GSDMC: variants seen among roughly 807,000 people sequenced by gnomAD.
The protein encoded by GSDMC is gasdermin-C.
GSDMC carries 59 observed loss-of-function variants against 58.0 expected under a neutral mutation model. That is an observed-to-expected ratio of 1.02 (90% CI 0.82 to 1.26). The LOEUF (loss-of-function observed/expected upper bound fraction) is 1.26. Among genes scored for constraint, GSDMC ranks in the 50% most tolerant of loss-of-function variants. GSDMC has a pLI of 0.00. For missense variants in GSDMC, 659 were observed against 598.5 expected (o/e 1.10, Z -1.06); for synonymous variants, 241 against 220.2 (o/e 1.09, Z -0.83).
intron 6 of GSDMC, among the ~76,000 whole-genome samples, chr8:129,755,793 C>T (rs1232166306): frequency 6.6e-6 from 1 of 151,576 alleles, no homozygotes; most frequent in Non-Finnish European, 1.5e-5. Context: ...ATGTTAAGTT[C>T]TCATCAGTTT....
chr8:129,729,975 C>G, the GSDMC span: 1 of 1,513,572 alleles, frequency 6.6e-7, no homozygotes, highest in Non-Finnish European at 9.2e-7. Flanking sequence ...ATGTAAATAC[C>G]ATGGACAGTG....
chr8:129,783,359 AC>A (rs535262656), intron 1 of GSDMC, among the ~76,000 whole-genome samples: 256 of 152,294 alleles, frequency 1.7e-3, no homozygotes, highest in Non-Finnish European at 2.8e-3. Context: ...GATTCCAACA[AC>A]AAAAAACTAT....
chr8:129,712,093 A>T, the GSDMC span, among the ~76,000 whole-genome samples: 1 of 152,224 alleles, frequency 6.6e-6, no homozygotes, highest in South Asian at 2.1e-4. Context: ...CCTATCTCAA[A>T]AAATAAACAT....
At chr8:129,747,466 T>C (rs2032991193), downstream of GSDMC, among the ~76,000 whole-genome samples, 1 of 152,156 alleles carries the variant, frequency 6.6e-6, no homozygotes, top group Non-Finnish European at 1.5e-5. Flanking sequence ...CAATAGGGAT[T>C]ACTGGAATAC....
intron 3 of GSDMC, among the ~76,000 whole-genome samples, chr8:129,773,981 A>G (rs1486787031): frequency 1.3e-5 from 2 of 152,152 alleles, no homozygotes; most frequent in Non-Finnish European, 2.9e-5. Context: ...AAAATGTCAT[A>G]CTACTCAAAG....
At chr8:129,752,667 G>C in intron 7 of GSDMC, 31 bp downstream of exon 7, 1 of 1,612,402 alleles carries the variant, frequency 6.2e-7, no homozygotes, top group Non-Finnish European at 8.5e-7. Context: ...CATCAACATA[G>C]AAGTAAAAAT....
At chr8:129,727,385 A>G in the GSDMC span, among the ~76,000 whole-genome samples, 1 of 152,238 alleles carries the variant, frequency 6.6e-6, no homozygotes, top group South Asian at 2.1e-4. Flanking sequence ...TGTGAAGGAC[A>G]TTCCAAATCC....
intron 1 of GSDMC, among the ~76,000 whole-genome samples, chr8:129,785,534 G>A (rs1979476): frequency 0.5 from 75,652 of 151,710 alleles, 22,452 homozygotes; most frequent in African/African-American, 0.82. Flanking sequence ...TGTACAGTTA[G>A]AAATAACTAA....
At chr8:129,750,380 C>T (rs1211078102) in intron 11 of GSDMC, 51 bp downstream of exon 11, 1 of 1,565,736 alleles carries the variant, frequency 6.4e-7, no homozygotes, top group African/African-American at 1.4e-5. Flanking sequence ...ATCTCCTAAC[C>T]AATCCCATTT....
At chr8:129,743,642 T>C (rs1450623724), downstream of GSDMC, among the ~76,000 whole-genome samples, 1 of 152,232 alleles carries the variant, frequency 6.6e-6, no homozygotes, top group Non-Finnish European at 1.5e-5. Context: ...TTGTGAATGT[T>C]GCATTATTGA....
At chr8:129,776,573 A>G (rs986154088) in intron 2 of GSDMC, among the ~76,000 whole-genome samples, 6 of 152,216 alleles carry the variant, frequency 3.9e-5, no homozygotes, top group Admixed American at 3.9e-4. Flanking sequence ...CCCTGGGATC[A>G]TCCTTTCAGG....
the GSDMC span, among the ~76,000 whole-genome samples, chr8:129,723,267 G>A: frequency 1.3e-5 from 2 of 151,948 alleles, no homozygotes; most frequent in Non-Finnish European, 2.9e-5. Flanking sequence ...TTGAGATGGA[G>A]TCTCTCTCTG....
At chr8:129,736,704 G>A in the GSDMC span, among the ~76,000 whole-genome samples, 1 of 152,182 alleles carries the variant, frequency 6.6e-6, no homozygotes, top group South Asian at 2.1e-4. Context: ...GCAAAAACTG[G>A]AAGCATTCCT....
rs750958886 is a variant in GSDMC at position 129,776,235 on chromosome 8, G to C, written c.271C>G (p.His91Asp). 1.6e-5 allele frequency: 26 copies of C among 1,613,578 alleles called. No homozygotes were observed. Among genetic ancestry groups the C allele is most frequent in the Admixed American group, 3.3e-5 (2 of 59,978 alleles). ...ACATTCACACCCATGTCAGCCTTAT[G>C]CTTCTGGATCATAATGTCACTGAAG... ...FHFSDIMIQK[H>D]KADMGVNVGI... Residue 91 changes from histidine (H) to aspartate (D), a missense_variant, in exon 3 of 14, where the codon CAT becomes GAT. Physicochemically the swap from His to Asp is moderately conservative, Grantham distance 81. Transcript: ENST00000276708.
the GSDMC span, among the ~76,000 whole-genome samples, chr8:129,738,919 A>G: frequency 6.6e-6 from 1 of 152,248 alleles, no homozygotes; most frequent in African/African-American, 2.4e-5. Context: ...CACTTAAGGC[A>G]TTTCAAAATA....
the GSDMC span, among the ~76,000 whole-genome samples, chr8:129,735,725 C>G: frequency 2.0e-5 from 3 of 151,980 alleles, no homozygotes; most frequent in African/African-American, 7.3e-5. Context: ...AAATTGACAC[C>G]CTAACATCAC....
chr8:129,729,179 T>C, the GSDMC span: 1 of 667,600 alleles, frequency 1.5e-6, no homozygotes. Context: ...ATTTGATATG[T>C]GTCAGCAATA....
At chr8:129,737,698 C>A in the GSDMC span, among the ~76,000 whole-genome samples, 2 of 152,128 alleles carry the variant, frequency 1.3e-5, no homozygotes, top group Non-Finnish European at 2.9e-5. Context: ...AGACCTAAAA[C>A]CATAAAAACT....
At chr8:129,718,909 C>T in the GSDMC span, among the ~76,000 whole-genome samples, 1 of 152,176 alleles carries the variant, frequency 6.6e-6, no homozygotes, top group Non-Finnish European at 1.5e-5. Flanking sequence ...TGGAAACCAT[C>T]ATTCTCAGCA....
Sources: gnomAD v4.1 joint callset for allele counts (sites outside exome capture counted in the v4.1 genomes callset) on GRCh38, gnomAD v4.1.1 for gene constraint, MANE v1.5 for transcripts, NCBI Gene and HGNC (gene_info 2026-07-23, HGNC 2026-07-21) for gene names.